IZUMO2: variants seen among roughly 807,000 people sequenced by gnomAD.
IZUMO2 encodes the protein IZUMO family member 2.
A neutral mutation model predicts 31.2 loss-of-function variants in IZUMO2; 24 were observed. That is an observed-to-expected ratio of 0.77 (90% CI 0.56 to 1.08). The LOEUF (loss-of-function observed/expected upper bound fraction) is 1.08, where lower values mean the gene tolerates loss of function less well. Among genes scored for constraint, IZUMO2 ranks in the 50% least tolerant of loss-of-function variants. The probability of loss-of-function intolerance (pLI) is 0.00; values close to 1 mark genes in which losing one functional copy is unlikely to be tolerated. For missense variants in IZUMO2, 278 were observed against 274.0 expected (o/e 1.01, Z -0.10); for synonymous variants, 144 against 117.3 (o/e 1.23, Z -1.47).
chr19:50,158,262 G>T lies in IZUMO2; in HGVS notation c.496+6C>A. 1.3e-6 allele frequency: 2 copies of T among 1,594,620 alleles called. No homozygotes were observed. The highest frequency in any genetic ancestry group is 1.7e-6 in the Non-Finnish European group (2 of 1,164,282). ...CCCATGTCTTCCCCCACCCCCAGAA[G>T]CTTACCAAAGCAGTACTTTTTGTGG... On this transcript the variant is annotated splice_donor_region_variant and intron_variant, in intron 5 of 6. Coordinates refer to ENST00000293405, the MANE Select transcript of IZUMO2 (RefSeq NM_152358.3).
At position 50,158,261 on chromosome 19, in the gene IZUMO2, A is replaced by G. The variant is rs372989932; in HGVS notation, c.496+7T>C. On this transcript the variant is annotated splice_region_variant and intron_variant, in intron 5 of 6. Coordinates refer to ENST00000293405, the MANE Select transcript of IZUMO2 (RefSeq NM_152358.3). ...TCCCATGTCTTCCCCCACCCCCAGA[A>G]GCTTACCAAAGCAGTACTTTTTGTG... 8.8e-6 allele frequency: 14 copies of G among 1,594,160 alleles called. No homozygotes were observed. The African/African-American group carries it at 1.6e-4, about 18-fold the overall frequency.
In IZUMO2 at chr19:50,162,743, CAG is replaced by C. The variant is rs755280895; in HGVS notation, c.301_302del (p.Leu101GlufsTer3). The stretch of plus-strand genomic sequence containing the variant: ...GCGTTCCCTCGTCTCTCCTACCTTT[CAG>C]AGAGTTACCCATTAAGTGCTGCGTT... ...NQTQHLMGNS[L>X]KDEPLLEELV... On this transcript the variant is annotated frameshift_variant, in exon 2 of 7. Transcript: ENST00000293405. LOFTEE classifies it high-confidence loss of function. The C allele has an allele frequency of 3.3e-5, 54 of 1,613,584 alleles. No homozygotes were observed. The highest frequency in any genetic ancestry group is 1.7e-5 in the Admixed American group (1 of 59,996).
chr19:50,156,709 G>A (rs1203988997), intron 5 of IZUMO2, among the ~76,000 whole-genome samples: 2 of 152,040 alleles, frequency 1.3e-5, no homozygotes, highest in Non-Finnish European at 2.9e-5. Context: ...CGAATCATTT[G>A]AGCCCAGGAG....
intron 2 of IZUMO2, among the ~76,000 whole-genome samples, chr19:50,162,246 G>A (rs1209219011): frequency 6.6e-6 from 1 of 152,030 alleles, no homozygotes; most frequent in Non-Finnish European, 1.5e-5. Flanking sequence ...TTGTGGCACT[G>A]CACTCGAGCC....
Position 50,158,292 on chromosome 19 carries a change from A to G in IZUMO2, c.472T>C (p.Cys158Arg). 6.2e-7 allele frequency: 1 copy of G among 1,612,050 alleles called. No individual in the cohort carries two copies. Among genetic ancestry groups the G allele is most frequent in the South Asian group, 1.1e-5 (1 of 90,828 alleles). ...CCAAAGCAGTACTTTTTGTGGATACACTTGGGAGTGATCCTCTGGCAATGT... is the reference window on the plus strand; with the variant it reads ...CCAAAGCAGTACTTTTTGTGGATACGCTTGGGAGTGATCCTCTGGCAATGT... ...CLHCQRITPKCIHKKYCFVDR... is the reference protein window; with the variant it reads ...CLHCQRITPKRIHKKYCFVDR... Residue 158 changes from cysteine to arginine, a missense_variant, in exon 5 of 7, where the codon TGT becomes CGT. Physicochemically the swap from Cys to Arg is radical, Grantham distance 180. Transcript: ENST00000293405.
chr19:50,156,396 C>T (rs1341944045), intron 5 of IZUMO2, among the ~76,000 whole-genome samples: 2 of 152,156 alleles, frequency 1.3e-5, no homozygotes, highest in Non-Finnish European at 2.9e-5. Flanking sequence ...CCTAGTCTAA[C>T]CTCTGGCCCC....
intron 2 of IZUMO2, among the ~76,000 whole-genome samples, chr19:50,161,652 C>A (rs114095475): frequency 0.017 from 2,519 of 152,232 alleles, 60 homozygotes; most frequent in African/African-American, 0.058. Context: ...TGCCTGCACC[C>A]TTCTACCCCT....
chr19:50,158,767 C>A (rs577610477), intron 4 of IZUMO2, among the ~76,000 whole-genome samples: 10 of 152,204 alleles, frequency 6.6e-5, no homozygotes, highest in Admixed American at 2.6e-4. Context: ...GTGACCTAGT[C>A]CTGGCCAATG....
At chr19:50,152,979 G>A (rs536209471) in intron 6 of IZUMO2, among the ~76,000 whole-genome samples, 138 of 152,256 alleles carry the variant, frequency 9.1e-4, no homozygotes, top group African/African-American at 3.2e-3. Flanking sequence ...GGGTTACAGC[G>A]TGTCCCCCAC....
chr19:50,158,241 T>C, intron 5 of IZUMO2, 27 bp downstream of exon 5: 2 of 1,510,570 alleles, frequency 1.3e-6, no homozygotes, highest in Non-Finnish European at 1.8e-6. Flanking sequence ...GCCTGTCCCA[T>C]GTCTTCCCCC....
intron 2 of IZUMO2, 119 bp from the exon 3 acceptor site, chr19:50,159,699 A>G: frequency 1.5e-6 from 1 of 659,996 alleles, no homozygotes; most frequent in Non-Finnish European, 2.7e-6. Flanking sequence ...GGTAACCAAG[A>G]CCAGGATTAC....
At chr19:50,154,795 C>A in intron 5 of IZUMO2, 69 bp from the exon 6 acceptor site, 1 of 1,566,608 alleles carries the variant, frequency 6.4e-7, no homozygotes, top group Non-Finnish European at 8.7e-7. Flanking sequence ...ACCCACCCCA[C>A]CTGTTCATTC....
chr19:50,158,598 A>G (rs1460176729), intron 4 of IZUMO2, among the ~76,000 whole-genome samples: 2 of 152,226 alleles, frequency 1.3e-5, no homozygotes, highest in Non-Finnish European at 2.9e-5. Flanking sequence ...TTAATTAAAC[A>G]TTTGTTAATT....
chr19:50,158,483 A>C, intron 4 of IZUMO2, 135 bp from the exon 5 acceptor site: 1 of 527,962 alleles, frequency 1.9e-6, no homozygotes, highest in South Asian at 3.1e-5. Flanking sequence ...TGCCCAGCAG[A>C]GGAACTAAGC....
chr19:50,157,006 T>C (rs2030232113), intron 5 of IZUMO2, among the ~76,000 whole-genome samples: 1 of 152,162 alleles, frequency 6.6e-6, no homozygotes, highest in African/African-American at 2.4e-5. Flanking sequence ...GAAAATGTCA[T>C]TATTTTTAGA....
intron 6 of IZUMO2, 91 bp downstream of exon 6, chr19:50,154,509 A>G (rs975804104): frequency 1.5e-6 from 2 of 1,303,104 alleles, no homozygotes; most frequent in African/African-American, 3.6e-5. Flanking sequence ...GAGACTCCCA[A>G]AGTACACAGT....
intron 5 of IZUMO2, among the ~76,000 whole-genome samples, chr19:50,157,691 G>A (rs1384264482): frequency 7.0e-6 from 1 of 143,500 alleles, no homozygotes; most frequent in Non-Finnish European, 1.5e-5. Context: ...TTTGGGAGCC[G>A]AGTGGATCAC....
chr19:50,158,966 GT>G (rs1254743423), intron 4 of IZUMO2, among the ~76,000 whole-genome samples: 2 of 152,164 alleles, frequency 1.3e-5, no homozygotes, highest in East Asian at 1.9e-4. Flanking sequence ...AACCTTTGTT[GT>G]GTTAAACCAC....
In IZUMO2 at chr19:50,154,669, T is replaced by C; in HGVS notation, c.554A>G (p.Asn185Ser). Reference protein sequence around the residue: ...QYQMDSKYPRNQALLGILISV... With the variant: ...QYQMDSKYPRSQALLGILISV... ...AATGAGGATGCCCAACAGCGCCTGG[T>C]TCCTCGGGTATTTGCTGTCCATCTG... The change falls in exon 6 of 7, where the codon AAC (asparagine) becomes AGC (serine). Residue 185 changes from asparagine (N) to serine (S), a missense_variant. Coordinates refer to ENST00000293405, the MANE Select transcript of IZUMO2 (RefSeq NM_152358.3). The C allele has an allele frequency of 6.2e-7, 1 of 1,613,908 alleles. No individual in the cohort carries two copies. Among genetic ancestry groups the C allele is most frequent in the Non-Finnish European group, 8.5e-7 (1 of 1,179,940 alleles).
Sources: allele counts gnomAD v4.1 joint callset (sites outside exome capture counted in the v4.1 genomes callset), GRCh38; gene constraint gnomAD v4.1.1; transcripts MANE v1.5; gene names NCBI Gene and HGNC (gene_info 2026-07-23, HGNC 2026-07-21).